Variants in DNAJB14 observed in about 807,000 individuals in gnomAD.
DNAJB14 encodes dnaJ homolog subfamily B member 14.
DNAJB14 carries 22 observed loss-of-function variants against 48.4 expected under a neutral mutation model. The observed-to-expected ratio is 0.45, with a 90% CI of 0.32 to 0.65. The LOEUF (loss-of-function observed/expected upper bound fraction) is 0.65. DNAJB14 is among the 30% of genes least tolerant of loss of function. The probability of loss-of-function intolerance (pLI) is 0.03; values close to 1 mark genes in which losing one functional copy is unlikely to be tolerated. For synonymous variants in DNAJB14, 142 were observed against 158.7 expected, an observed-to-expected ratio of 0.89 and a Z score of 0.79; for missense variants, 319 against 458.8, an observed-to-expected ratio of 0.70 and a Z score of 2.78.
intron 1 of DNAJB14, among the ~76,000 whole-genome samples, chr4:99,944,501 GGATT>G (rs1472484002): frequency 6.6e-6 from 1 of 151,870 alleles, no homozygotes; most frequent in Non-Finnish European, 1.5e-5. Flanking sequence ...ACAGATGAAT[GGATT>G]AACAAAATGT....
intron 3 of DNAJB14, among the ~76,000 whole-genome samples, chr4:99,919,975 T>C (rs934954519): frequency 2.6e-5 from 4 of 152,148 alleles, no homozygotes; most frequent in Non-Finnish European, 5.9e-5. Context: ...TCACAATGAG[T>C]CTTCATCTTT....
chr4:99,915,057 C>T (rs926151552), intron 3 of DNAJB14, among the ~76,000 whole-genome samples: 79 of 152,024 alleles, frequency 5.2e-4, no homozygotes, highest in African/African-American at 1.9e-3. Context: ...TTTTGCTATT[C>T]TTTTTCTAGA....
Position 99,905,632 on chromosome 4 carries a change from C to A in DNAJB14, c.807G>T (p.Met269Ile), listed in dbSNP as rs1725435942. The change falls in exon 6 of 8, where the codon ATG (methionine) becomes ATT (isoleucine). Residue 269 changes from methionine to isoleucine, a missense_variant. This residue lies in a region of DNAJB14 where 166 missense variants were observed against 236.3 expected (regional missense o/e 0.70). Transcript: ENST00000442697. ...LILVSLLSQL[M>I]VSNPPYSLYP... ...ATAAGGAATAAGGAGGATTAGAGACCATCAACTGGCTTAATAATGACACGA... is the reference window on the plus strand; with the variant it reads ...ATAAGGAATAAGGAGGATTAGAGACAATCAACTGGCTTAATAATGACACGA... 6.2e-7 allele frequency: 1 copy of A among 1,611,556 alleles called. No individual in the cohort carries two copies. Among genetic ancestry groups the A allele is most frequent in the Non-Finnish European group, 8.5e-7 (1 of 1,179,430 alleles).
chr4:99,905,538 G>A (rs1415368440), intron 6 of DNAJB14, 59 bp downstream of exon 6: 21 of 1,332,298 alleles, frequency 1.6e-5, no homozygotes, highest in Non-Finnish European at 2.1e-5. Flanking sequence ...CTCTTTAAAG[G>A]AAGCTAGGTC....
rs949376719 is a variant in DNAJB14 at position 99,908,334 on chromosome 4, AT to A, written c.637+376del. On this transcript the variant is annotated intron_variant, in intron 4 of 7. Transcript: ENST00000442697. ...CCAACTATAATGTTATTGATAAAATATTTACAAAGATCTCTAGGGAAGCAAT... is the reference window on the plus strand; with the variant it reads ...CCAACTATAATGTTATTGATAAAATATTACAAAGATCTCTAGGGAAGCAAT... Among the ~76,000 whole-genome samples the A allele has an allele frequency of 2.6e-5, 4 of 152,272 alleles. No individual in the cohort carries two copies. In the South Asian group the frequency reaches 8.3e-4, roughly 32 times the overall value.
At chr4:99,920,658 G>A (rs1471315517) in intron 3 of DNAJB14, among the ~76,000 whole-genome samples, 1 of 152,086 alleles carries the variant, frequency 6.6e-6, no homozygotes, top group Non-Finnish European at 1.5e-5. Flanking sequence ...CCCCTCTTGG[G>A]AAACATATAA....
chr4:99,902,753 A>G (rs1266216460), intron 7 of DNAJB14, among the ~76,000 whole-genome samples: 3 of 152,170 alleles, frequency 2.0e-5, no homozygotes, highest in African/African-American at 7.2e-5. Context: ...CCTGGATTCT[A>G]GAGACAAATT....
chr4:99,902,803 C>T (rs370849317), intron 7 of DNAJB14, among the ~76,000 whole-genome samples: 1 of 152,082 alleles, frequency 6.6e-6, no homozygotes, highest in South Asian at 2.1e-4. Context: ...TGACCTTGGG[C>T]AAGTTAGTAA....
intron 1 of DNAJB14, among the ~76,000 whole-genome samples, chr4:99,937,708 A>G (rs527297245): frequency 1.3e-5 from 2 of 152,172 alleles, no homozygotes; most frequent in South Asian, 4.1e-4. Context: ...TCTGGGTGAC[A>G]AAGTGAGACT....
chr4:99,943,461 A>C (rs958030395), intron 1 of DNAJB14, among the ~76,000 whole-genome samples: 8 of 152,204 alleles, frequency 5.3e-5, no homozygotes, highest in African/African-American at 1.9e-4. Context: ...TAGTGTGTAC[A>C]TTTGGGTGGG....
At chr4:99,942,339 A>C (rs1726916709) in intron 1 of DNAJB14, 1 of 152,010 alleles carries the variant, frequency 6.6e-6, no homozygotes, top group South Asian at 2.1e-4. Flanking sequence ...TTAAAAAAAA[A>C]AATCTACAAA....
At position 99,930,169 on chromosome 4, in the gene DNAJB14, A is replaced by G. The variant is rs1726411120; in HGVS notation, c.305+281T>C. ...CTTCATCCTCTTTTAATATTGCTACATAAACAACATATTGTGTGAAAAAGC... is the reference window on the plus strand; with the variant it reads ...CTTCATCCTCTTTTAATATTGCTACGTAAACAACATATTGTGTGAAAAAGC... On this transcript the variant is annotated intron_variant, in intron 2 of 7. Transcript: ENST00000442697. 3 of 236,384 alleles carry G rather than the reference A, an allele frequency of 1.3e-5. No homozygotes were observed. In the South Asian group the frequency reaches 5.3e-4, roughly 41 times the overall value. 14.6% of individuals were successfully genotyped at this position (236,384 alleles called of 1,614,324 possible).
intron 3 of DNAJB14, among the ~76,000 whole-genome samples, chr4:99,916,520 A>G (rs146917471): frequency 3.0e-4 from 45 of 152,324 alleles, no homozygotes; most frequent in African/African-American, 1.0e-3. Context: ...GTAATTACTG[A>G]TAAGTTAGGG....
At chr4:99,936,421 T>C (rs1018320635) in intron 1 of DNAJB14, among the ~76,000 whole-genome samples, 10 of 152,182 alleles carry the variant, frequency 6.6e-5, no homozygotes, top group Non-Finnish European at 1.5e-4. Context: ...ACTATAAATA[T>C]GTGTAGATCA....
rs1382129052 is a variant in DNAJB14 at position 99,924,824 on chromosome 4, TCAAAGTTATTCTATAA to T, written c.306-1655_306-1640del. ...CCAATATCCATAAAGCTCTGAAAAATCAAAGTTATTCTATAACTAATTTGACTGCATAAAAAACTGA... is the reference window on the plus strand; with the variant it reads ...CCAATATCCATAAAGCTCTGAAAAATCTAATTTGACTGCATAAAAAACTGA... On this transcript the variant is annotated intron_variant, in intron 2 of 7. Coordinates refer to ENST00000442697, the MANE Select transcript of DNAJB14 (RefSeq NM_001031723.4). 3 of 1,559,594 alleles carry T rather than the reference TCAAAGTTATTCTATAA, an allele frequency of 1.9e-6. No individual in the cohort carries two copies. In the African/African-American group the frequency reaches 4.1e-5, roughly 21 times the overall value.
In DNAJB14 at chr4:99,934,831, A is replaced by C. The variant is rs1726612878; in HGVS notation, c.134-4210T>G. 3.4e-5 allele frequency among the ~76,000 whole-genome samples: 5 copies of C among 147,354 alleles called. No homozygotes were observed. In the South Asian group the frequency reaches 1.1e-3, roughly 31 times the overall value. On this transcript the variant is annotated intron_variant, in intron 1 of 7. Coordinates refer to ENST00000442697, the MANE Select transcript of DNAJB14 (RefSeq NM_001031723.4). ...AAAAAAAAAAAAAAGAAAAGAAAAA[A>C]TTATCTCTCAAAAACTTATGTGATA... is the stretch of plus-strand genomic sequence containing the variant.
chr4:99,917,038 G>A (rs1314300079), intron 3 of DNAJB14, among the ~76,000 whole-genome samples: 3 of 152,210 alleles, frequency 2.0e-5, no homozygotes, highest in Non-Finnish European at 4.4e-5. Flanking sequence ...GGGAGGCTGA[G>A]GCAGGAAAAT....
intron 7 of DNAJB14, among the ~76,000 whole-genome samples, chr4:99,903,111 C>T (rs1725348754): frequency 6.6e-6 from 1 of 152,072 alleles, no homozygotes; most frequent in Non-Finnish European, 1.5e-5. Context: ...TTATTCACAA[C>T]AATGGTCACA....
At position 99,908,775 on chromosome 4, in the gene DNAJB14, A is replaced by C; in HGVS notation, c.573T>G (p.Gly191=). 3.1e-6 allele frequency: 5 copies of C among 1,611,850 alleles called. No homozygotes were observed. The highest frequency in any genetic ancestry group is 4.2e-6 in the Non-Finnish European group (5 of 1,178,852). Residue 191 remains glycine, a synonymous_variant, in exon 4 of 8, where the codon GGT becomes GGG. Transcript: ENST00000442697. Reference sequence around the variant, plus strand: ...CTTCTGGAGTTATATCAGCTTCACAACCTCTATGGAAATTAAATCTGCCAT... The same window carrying C: ...CTTCTGGAGTTATATCAGCTTCACACCCTCTATGGAAATTAAATCTGCCAT... ...QNNGRFNFHR[G]CEADITPEDL...
Sources: allele counts gnomAD v4.1 joint callset (sites outside exome capture counted in the v4.1 genomes callset), GRCh38; gene constraint gnomAD v4.1.1; regional missense constraint gnomAD v4.1.1; transcripts MANE v1.5; gene names NCBI Gene and HGNC (gene_info 2026-07-23, HGNC 2026-07-21).